Variants in GRIN2B observed in about 807,000 individuals in gnomAD.
GRIN2B encodes the protein glutamate receptor ionotropic, NMDA 2B.
Under a neutral mutation model 114.5 loss-of-function variants are expected in GRIN2B, and 5 were observed. The observed-to-expected ratio is 0.04, with a 90% confidence interval of 0.02 to 0.09. GRIN2B has a LOEUF of 0.09. Ranked by LOEUF, GRIN2B falls within the 10% of genes least tolerant of loss-of-function variation. The pLI, the probability that GRIN2B is intolerant of heterozygous loss-of-function variation, is 1.00. For synonymous variants in GRIN2B, 787 were observed against 745.1 expected, an observed-to-expected ratio of 1.06 and a Z score of -0.92; for missense variants, 1,108 against 1,943.5, an observed-to-expected ratio of 0.57 and a Z score of 8.08.
intron 10 of GRIN2B, among the ~76,000 whole-genome samples, chr12:13,604,128 G>C (rs1171055691): frequency 1.3e-5 from 2 of 152,116 alleles, no homozygotes; most frequent in South Asian, 2.1e-4. Context: ...TCTTTGTTAA[G>C]AGAAGAAAGA....
intron 8 of GRIN2B, among the ~76,000 whole-genome samples, chr12:13,614,360 C>A (rs1162366162): frequency 6.6e-6 from 1 of 152,154 alleles, no homozygotes; most frequent in Non-Finnish European, 1.5e-5. Context: ...TATGCCAAAC[C>A]CAGTCTCCTT....
At position 13,564,442 on chromosome 12, in the gene GRIN2B, A is replaced by G. The variant is rs2136406080; in HGVS notation, c.2796T>C (p.Tyr932=). The G allele has an allele frequency of 6.2e-7, 1 of 1,614,224 alleles. No individual in the cohort carries two copies. The highest frequency in any genetic ancestry group is 1.1e-5 in the South Asian group (1 of 91,086). Residue 932 remains tyrosine (Y), a synonymous_variant, in exon 14 of 14, where the codon TAT becomes TAC. Transcript: ENST00000609686. This position sits in a 1 kb window ranked among gnomAD's most constrained non-coding sequence, Gnocchi z 4.8. The part of the protein sequence containing the change: ...LDFIRRESSV[Y]DISEHRRSFT... ...AGCTGCGGCGGTGCTCTGAGATGTCATAGACGGATGACTCCCGTCGGATGA... is the reference window on the plus strand; with the variant it reads ...AGCTGCGGCGGTGCTCTGAGATGTCGTAGACGGATGACTCCCGTCGGATGA...
At chr12:13,870,692 G>C (rs1335747053) in intron 2 of GRIN2B, among the ~76,000 whole-genome samples, 1 of 152,186 alleles carries the variant, frequency 6.6e-6, no homozygotes, top group African/African-American at 2.4e-5. Context: ...TATTTGGAGT[G>C]ATTCAATTAA....
chr12:13,565,246 AAG>A (rs1209859081), intron 13 of GRIN2B, among the ~76,000 whole-genome samples: 1 of 152,180 alleles, frequency 6.6e-6, no homozygotes, highest in Non-Finnish European at 1.5e-5. Flanking sequence ...AATTCACAGA[AAG>A]AGAGAATTAG....
chr12:13,606,165 G>A (rs1054260805), intron 10 of GRIN2B, among the ~76,000 whole-genome samples: 19 of 152,180 alleles, frequency 1.2e-4, no homozygotes, highest in South Asian at 2.1e-4. Context: ...AGGGTGGTGC[G>A]TTAGTGCATT....
intron 2 of GRIN2B, among the ~76,000 whole-genome samples, chr12:13,888,454 C>A (rs543582820): frequency 6.8e-6 from 1 of 147,480 alleles, no homozygotes; most frequent in Admixed American, 6.7e-5. Flanking sequence ...AAAAAATAGG[C>A]CAGGTGTGGT....
At chr12:13,707,857 A>G (rs1311718637) in intron 4 of GRIN2B, among the ~76,000 whole-genome samples, 1 of 152,158 alleles carries the variant, frequency 6.6e-6, no homozygotes, top group African/African-American at 2.4e-5. Context: ...GAGAATTTGT[A>G]ACACGTAAAA....
chr12:13,949,770 G>T (rs1867445023), intron 2 of GRIN2B, among the ~76,000 whole-genome samples: 1 of 152,118 alleles, frequency 6.6e-6, no homozygotes, highest in Admixed American at 6.5e-5. Context: ...GACAGAGATG[G>T]ATACAGCCTA....
intron 2 of GRIN2B, among the ~76,000 whole-genome samples, chr12:13,930,231 T>C (rs1867002513): frequency 6.6e-6 from 1 of 152,182 alleles, no homozygotes; most frequent in Non-Finnish European, 1.5e-5. Flanking sequence ...TTATTAACCT[T>C]ATTTTTTAAT....
Position 13,553,733 on chromosome 12 carries a change from A to T in GRIN2B, c.*9050T>A, listed in dbSNP as rs1293492311. ...CCCAGCATGGATCAGGTTATTAGAGACTCAATCTTGGTAGTAAAGTGTCTG... is the reference window on the plus strand; with the variant it reads ...CCCAGCATGGATCAGGTTATTAGAGTCTCAATCTTGGTAGTAAAGTGTCTG... On this transcript the variant is annotated 3_prime_UTR_variant, in exon 14 of 14. Transcript: ENST00000609686. The T allele has an allele frequency of 6.6e-6, 1 of 152,122 alleles. No individual in the cohort carries two copies. Among genetic ancestry groups the T allele is most frequent in the African/African-American group, 2.4e-5 (1 of 41,414 alleles). 9.4% of individuals were successfully genotyped at this position (152,122 alleles called of 1,614,324 possible). A position where few individuals can be genotyped will look rare whatever the true frequency, so the allele number is the denominator to read the frequency against.
intron 2 of GRIN2B, among the ~76,000 whole-genome samples, chr12:13,943,755 T>A (rs549286482): frequency 1.3e-5 from 2 of 152,312 alleles, no homozygotes; most frequent in Admixed American, 1.3e-4. Context: ...TCCTGGCCCC[T>A]CTACCTAAAA....
At position 13,936,646 on chromosome 12, in the gene GRIN2B, C is replaced by T. The variant is rs1867134809; in HGVS notation, c.-19+43282G>A. Among the ~76,000 whole-genome samples, 4 of 151,926 alleles carry T rather than the reference C, an allele frequency of 2.6e-5. No homozygotes were observed. The South Asian group carries it at 8.3e-4, about 32-fold the overall frequency. On this transcript the variant is annotated intron_variant, in intron 2 of 13. Coordinates refer to ENST00000609686, the MANE Select transcript of GRIN2B (RefSeq NM_000834.5). ...TCTAAAACATATTATCCAAAATGCC[C>T]AGTATTTAATTAAAAAACCATTTAT...
intron 3 of GRIN2B, among the ~76,000 whole-genome samples, chr12:13,796,819 T>C (rs1864425438): frequency 6.6e-6 from 1 of 152,108 alleles, no homozygotes; most frequent in Admixed American, 6.5e-5. Flanking sequence ...CTAAAGAAAT[T>C]AGATGTTTTC....
At chr12:13,811,914 G>A (rs1320924754) in intron 3 of GRIN2B, among the ~76,000 whole-genome samples, 1 of 152,218 alleles carries the variant, frequency 6.6e-6, no homozygotes, top group Non-Finnish European at 1.5e-5. Flanking sequence ...CAGGGTTTAT[G>A]AATGGGCCTC....
intron 5 of GRIN2B, among the ~76,000 whole-genome samples, chr12:13,631,657 G>T (rs1949616473): frequency 6.6e-6 from 1 of 152,324 alleles, no homozygotes; most frequent in East Asian, 1.9e-4. Context: ...CTTGCCTGTG[G>T]TCACATAATT....
At chr12:13,620,567 T>C (rs1263803115) in intron 5 of GRIN2B, among the ~76,000 whole-genome samples, 1 of 152,212 alleles carries the variant, frequency 6.6e-6, no homozygotes, top group African/African-American at 2.4e-5. Flanking sequence ...AATGATTTTT[T>C]AAATGTTCCA....
rs1182712209 is a variant in GRIN2B at position 13,574,694 on chromosome 12, AT to A, written c.2011-2731del. Among the ~76,000 whole-genome samples the A allele has an allele frequency of 3.9e-5, 6 of 152,344 alleles. No homozygotes were observed. The East Asian group carries it at 1.2e-3, about 29-fold the overall frequency. On this transcript the variant is annotated intron_variant, in intron 10 of 13. Coordinates refer to ENST00000609686, the MANE Select transcript of GRIN2B (RefSeq NM_000834.5). ...ATATAGTAATTTTTAATTTTAAATTATTTTTAGATTTCTAAATCCTGTTTTG... is the reference window on the plus strand; with the variant it reads ...ATATAGTAATTTTTAATTTTAAATTATTTTAGATTTCTAAATCCTGTTTTG...
chr12:13,648,945 AAGG>A (rs1369594073), intron 5 of GRIN2B, among the ~76,000 whole-genome samples: 1 of 152,050 alleles, frequency 6.6e-6, no homozygotes, highest in Non-Finnish European at 1.5e-5. Context: ...CAAGGGAGAG[AAGG>A]AGAAGAAAGA....
At chr12:13,850,057 G>A (rs1395427468) in intron 3 of GRIN2B, among the ~76,000 whole-genome samples, 1 of 152,174 alleles carries the variant, frequency 6.6e-6, no homozygotes, top group African/African-American at 2.4e-5. Context: ...CTATGGGAGG[G>A]TGCTGAGGGG....
Sources: gnomAD v4.1 joint callset for allele counts (sites outside exome capture counted in the v4.1 genomes callset) on GRCh38, gnomAD v4.1.1 for gene constraint, Gnocchi (gnomAD v3.1) non-coding constraint, MANE v1.5 for transcripts, NCBI Gene and HGNC (gene_info 2026-07-23, HGNC 2026-07-21) for gene names.